The following KIF16B variants were observed in gnomAD, a reference collection of about 807,000 sequenced individuals.
KIF16B encodes kinesin family member 16B.
A neutral mutation model predicts 156.3 loss-of-function variants in KIF16B; 98 were observed. The ratio of observed to expected loss-of-function variants is 0.63; its 90% CI spans 0.53 to 0.74. The LOEUF is 0.74. KIF16B is among the 30% of genes least tolerant of loss of function. KIF16B has a pLI of 0.00. For missense variants in KIF16B, 1,421 were observed against 1,606.5 expected, an observed-to-expected ratio of 0.88 and a Z score of 1.97; for synonymous variants, 564 against 583.7, an observed-to-expected ratio of 0.97 and a Z score of 0.49.
chr20:16,322,590 G>A (rs2063788107), intron 24 of KIF16B, among the ~76,000 whole-genome samples: 1 of 151,944 alleles, frequency 6.6e-6, no homozygotes, highest in Admixed American at 6.6e-5. Context: ...TGCTGATACT[G>A]TAATATTTCT....
intron 23 of KIF16B, among the ~76,000 whole-genome samples, chr20:16,350,886 G>A (rs1199372623): frequency 6.7e-6 from 1 of 149,530 alleles, no homozygotes; most frequent in African/African-American, 2.5e-5. Flanking sequence ...GGCACGGGGT[G>A]GGCACTGGGG....
At chr20:16,558,860 T>TG (rs1464968266) in intron 1 of KIF16B, among the ~76,000 whole-genome samples, 1 of 126,202 alleles carries the variant, frequency 7.9e-6, no homozygotes, top group African/African-American at 3.1e-5. Context: ...GCCCAGATCA[T>TG]GTCACTGCAC....
chr20:16,371,520 G>C lies in KIF16B; in HGVS notation c.3447+145C>G, dbSNP rs545046572. 12 of 560,094 alleles carry C rather than the reference G, an allele frequency of 2.1e-5. No homozygotes were observed. In the African/African-American group the frequency reaches 2.3e-4, roughly 11 times the overall value. 34.7% of individuals were successfully genotyped at this position (560,094 alleles called of 1,614,324 possible). Reference sequence around the variant, plus strand: ...GCATGAGAGTTGTTTGAACTGGGAGGTGGAGGTTGCAGTGAGCCAAGATGG... The same window carrying C: ...GCATGAGAGTTGTTTGAACTGGGAGCTGGAGGTTGCAGTGAGCCAAGATGG... On this transcript the variant is annotated intron_variant, in intron 21 of 25. Transcript: ENST00000354981.
intron 21 of KIF16B, among the ~76,000 whole-genome samples, 194 bp downstream of exon 21, chr20:16,371,471 G>A (rs1219205085): frequency 1.3e-5 from 2 of 151,556 alleles, no homozygotes; most frequent in African/African-American, 2.4e-5. Flanking sequence ...GGCGCCTATA[G>A]TCCCAGCTAC....
At chr20:16,474,499 T>C (rs1472943669) in intron 12 of KIF16B, among the ~76,000 whole-genome samples, 1 of 152,172 alleles carries the variant, frequency 6.6e-6, no homozygotes, top group Admixed American at 6.5e-5. Context: ...AGGACAGCAA[T>C]ATACTCAGCT....
intron 1 of KIF16B, among the ~76,000 whole-genome samples, chr20:16,531,267 G>T (rs1324355143): frequency 1.3e-5 from 2 of 152,154 alleles, no homozygotes; most frequent in Non-Finnish European, 2.9e-5. Context: ...TTTGAAAACT[G>T]TTAAAAGAAA....
At chr20:16,315,747 C>G (rs1019800226) in intron 24 of KIF16B, among the ~76,000 whole-genome samples, 2 of 152,088 alleles carry the variant, frequency 1.3e-5, no homozygotes, top group African/African-American at 4.8e-5. Flanking sequence ...TCATCTTACC[C>G]CTCTCCAAGT....
At chr20:16,457,788 G>A (rs2067248958) in intron 12 of KIF16B, among the ~76,000 whole-genome samples, 1 of 151,768 alleles carries the variant, frequency 6.6e-6, no homozygotes, top group Non-Finnish European at 1.5e-5. Context: ...ACAAGGACTT[G>A]AAACAGGGCA....
chr20:16,373,747 CCCTCT>C (rs1366423144), intron 20 of KIF16B, among the ~76,000 whole-genome samples: 2 of 152,196 alleles, frequency 1.3e-5, no homozygotes, highest in Non-Finnish European at 1.5e-5. Flanking sequence ...TTTCATTCCG[CCCTCT>C]CACTCAAACC....
chr20:16,427,965 T>C (rs2066399559), intron 14 of KIF16B, among the ~76,000 whole-genome samples: 1 of 152,130 alleles, frequency 6.6e-6, no homozygotes, highest in Admixed American at 6.6e-5. Flanking sequence ...GCCAACTAGT[T>C]TCCACTGTCT....
At chr20:16,338,915 T>G (rs963056219) in intron 23 of KIF16B, among the ~76,000 whole-genome samples, 2 of 152,188 alleles carry the variant, frequency 1.3e-5, no homozygotes, top group African/African-American at 4.8e-5. Context: ...CCTTAAGTCC[T>G]TAAAACAAAA....
chr20:16,294,317 T>G (rs2063353099), intron 25 of KIF16B, among the ~76,000 whole-genome samples: 1 of 152,114 alleles, frequency 6.6e-6, no homozygotes, highest in Non-Finnish European at 1.5e-5. Context: ...TGGTTTGAGA[T>G]CCTCTGAAAG....
intron 12 of KIF16B, among the ~76,000 whole-genome samples, chr20:16,442,813 G>A (rs1320597939): frequency 6.6e-6 from 1 of 152,002 alleles, no homozygotes; most frequent in African/African-American, 2.4e-5. Flanking sequence ...ATTATCAGAA[G>A]GGAATTTAGG....
At chr20:16,441,692 C>T (rs935430681) in intron 12 of KIF16B, among the ~76,000 whole-genome samples, 5 of 152,106 alleles carry the variant, frequency 3.3e-5, no homozygotes, top group Admixed American at 6.6e-5. Context: ...TTTCTGTATC[C>T]TCCAAATGAC....
intron 23 of KIF16B, among the ~76,000 whole-genome samples, chr20:16,346,620 G>A (rs1267310761): frequency 1.3e-5 from 2 of 152,118 alleles, no homozygotes; most frequent in Non-Finnish European, 1.5e-5. Context: ...ATGACTTCCC[G>A]ATGCTTTAAC....
intron 1 of KIF16B, among the ~76,000 whole-genome samples, chr20:16,568,271 G>A (rs2076523107): frequency 6.6e-6 from 1 of 151,804 alleles, no homozygotes; most frequent in African/African-American, 2.4e-5. Flanking sequence ...AGAATGGGGT[G>A]GATTTGCCCT....
At chr20:16,315,271 A>G (rs1419716648) in intron 24 of KIF16B, among the ~76,000 whole-genome samples, 2 of 152,136 alleles carry the variant, frequency 1.3e-5, no homozygotes, top group Non-Finnish European at 2.9e-5. Context: ...TGTTGTTCAG[A>G]TTTTAGGAGG....
At chr20:16,346,912 A>T (rs1346899276) in intron 23 of KIF16B, among the ~76,000 whole-genome samples, 1 of 152,230 alleles carries the variant, frequency 6.6e-6, no homozygotes, top group Non-Finnish European at 1.5e-5. Flanking sequence ...ATTCAGAGGC[A>T]AACCAAGGAA....
chr20:16,369,364 G>T, intron 22 of KIF16B: 4 of 852,434 alleles, frequency 4.7e-6, no homozygotes, highest in Non-Finnish European at 5.6e-6. Context: ...TCATTGGGTA[G>T]ATTAATTCAG....
Sources: allele counts gnomAD v4.1 joint callset (sites outside exome capture counted in the v4.1 genomes callset), GRCh38; gene constraint gnomAD v4.1.1; transcripts MANE v1.5; gene names NCBI Gene and HGNC (gene_info 2026-07-23, HGNC 2026-07-21).